Variants in EHBP1 observed in about 807,000 individuals in gnomAD.
EHBP1 encodes the protein EH domain binding protein 1, also known as EH domain-binding protein 1.
Under a neutral mutation model 144.0 loss-of-function variants are expected in EHBP1, and 55 were observed. The ratio of observed to expected loss-of-function variants is 0.38; its 90% CI spans 0.31 to 0.48. The LOEUF (loss-of-function observed/expected upper bound fraction) is 0.48. EHBP1 is among the 20% of genes least tolerant of loss of function. The pLI is 0.98. For missense variants in EHBP1, 1,200 were observed against 1,364.2 expected, an observed-to-expected ratio of 0.88 and a Z score of 1.90; for synonymous variants, 469 against 472.7, an observed-to-expected ratio of 0.99 and a Z score of 0.10.
chr2:62,724,384 G>T (rs2036542379), intron 2 of EHBP1, among the ~76,000 whole-genome samples: 1 of 152,064 alleles, frequency 6.6e-6, no homozygotes, highest in Non-Finnish European at 1.5e-5. Flanking sequence ...TTGTTTTATT[G>T]TGATTCTTAG....
intron 19 of EHBP1, among the ~76,000 whole-genome samples, chr2:63,000,174 C>T (rs2059791577): frequency 6.6e-6 from 1 of 151,918 alleles, no homozygotes; most frequent in South Asian, 2.1e-4. Context: ...AAGGCCTTAG[C>T]AAGAAAGTAG....
chr2:62,729,783 A>T (rs895440810), intron 2 of EHBP1, among the ~76,000 whole-genome samples: 6 of 151,572 alleles, frequency 4.0e-5, no homozygotes, highest in Non-Finnish European at 7.4e-5. Context: ...ATTCCTCTCC[A>T]TAAGGGTTTT....
chr2:62,717,638 TG>T (rs1012404772), intron 2 of EHBP1, among the ~76,000 whole-genome samples: 22 of 152,234 alleles, frequency 1.4e-4, no homozygotes, highest in African/African-American at 4.3e-4. Context: ...TTAGTAAGTT[TG>T]GTTTATTAAA....
chr2:63,001,910 A>G (rs773806815), intron 19 of EHBP1, among the ~76,000 whole-genome samples: 7 of 152,176 alleles, frequency 4.6e-5, no homozygotes, highest in Non-Finnish European at 1.0e-4. Context: ...TTTATGATTT[A>G]TAATTAGTAA....
chr2:63,035,659 G>A (rs2061416989), intron 19 of EHBP1, among the ~76,000 whole-genome samples: 1 of 151,966 alleles, frequency 6.6e-6, no homozygotes, highest in African/African-American at 2.4e-5. Flanking sequence ...ATGAACACAA[G>A]AATTAAGTCT....
chr2:62,803,565 A>G (rs2044205091), intron 5 of EHBP1, among the ~76,000 whole-genome samples: 2 of 152,196 alleles, frequency 1.3e-5, no homozygotes, highest in South Asian at 4.1e-4. Flanking sequence ...GATGTTGAGC[A>G]TCTTGTTATA....
intron 5 of EHBP1, among the ~76,000 whole-genome samples, chr2:62,814,799 TA>T (rs1335634346): frequency 6.6e-6 from 1 of 152,222 alleles, no homozygotes; most frequent in Non-Finnish European, 1.5e-5. Flanking sequence ...GAAACAATAC[TA>T]CATTGAAGAC....
intron 5 of EHBP1, among the ~76,000 whole-genome samples, chr2:62,786,493 T>C (rs576621700): frequency 5.3e-5 from 8 of 152,218 alleles, no homozygotes; most frequent in Admixed American, 2.0e-4. Flanking sequence ...TACCTCTTGA[T>C]TGGGAAGTGG....
At chr2:62,797,287 A>G (rs146254294) in intron 5 of EHBP1, among the ~76,000 whole-genome samples, 16 of 152,348 alleles carry the variant, frequency 1.1e-4, no homozygotes, top group African/African-American at 3.8e-4. Flanking sequence ...CACCAACAGC[A>G]TACTGGATGC....
At chr2:62,788,942 T>G (rs189483528) in intron 5 of EHBP1, among the ~76,000 whole-genome samples, 2 of 152,296 alleles carry the variant, frequency 1.3e-5, no homozygotes, top group East Asian at 3.9e-4. Context: ...AATATTTGAT[T>G]TACTGGTGGT....
chr2:63,017,049 A>G (rs2060513968), intron 19 of EHBP1, among the ~76,000 whole-genome samples: 1 of 152,260 alleles, frequency 6.6e-6, no homozygotes, highest in South Asian at 2.1e-4. Context: ...TGGGGGAATG[A>G]TAACTGCTTA....
chr2:62,916,771 G>A (rs2054649267), intron 10 of EHBP1, among the ~76,000 whole-genome samples: 1 of 148,696 alleles, frequency 6.7e-6, no homozygotes, highest in South Asian at 2.1e-4. Flanking sequence ...TATTGTGTAT[G>A]TTATTGTATA....
intron 5 of EHBP1, among the ~76,000 whole-genome samples, chr2:62,776,264 T>C (rs535749430): frequency 6.6e-4 from 100 of 152,318 alleles, no homozygotes; most frequent in African/African-American, 2.1e-3. Flanking sequence ...CCAGAAACTT[T>C]AGAGTTGAAA....
intron 3 of EHBP1, among the ~76,000 whole-genome samples, chr2:62,753,574 C>A (rs913785928): frequency 1.3e-5 from 2 of 152,192 alleles, no homozygotes; most frequent in Non-Finnish European, 2.9e-5. Flanking sequence ...GGCAGTTCTC[C>A]TGGTTAATAT....
chr2:63,045,504 T>C lies in EHBP1; in HGVS notation c.*4T>C. ...GGAGAAATGTGTTCTTCAGTAGCCA[T>C]CAGATCAGAAAGAATCTCTCCCAAC... is the stretch of plus-strand genomic sequence containing the variant. On this transcript the variant is annotated 3_prime_UTR_variant, in exon 23 of 23. Coordinates refer to ENST00000431489, the MANE Select transcript of EHBP1 (RefSeq NM_001142616.3). This position sits in a 1 kb window ranked among gnomAD's most constrained non-coding sequence, Gnocchi z 5.7. 6.2e-7 allele frequency: 1 copy of C among 1,609,996 alleles called. No homozygotes were observed. Among genetic ancestry groups the C allele is most frequent in the South Asian group, 1.1e-5 (1 of 90,540 alleles).
chr2:62,859,781 T>C, intron 8 of EHBP1, among the ~76,000 whole-genome samples: 1 of 152,208 alleles, frequency 6.6e-6, no homozygotes, highest in East Asian at 1.9e-4. Context: ...AGCATACTTG[T>C]GAGGTATAAA....
chr2:62,980,214 G>C (rs1295695008), intron 15 of EHBP1, among the ~76,000 whole-genome samples: 1 of 152,154 alleles, frequency 6.6e-6, no homozygotes, highest in African/African-American at 2.4e-5. Flanking sequence ...GATAGTTTCA[G>C]GACAAAACTG....
intron 7 of EHBP1, among the ~76,000 whole-genome samples, chr2:62,850,453 G>A (rs1368915542): frequency 1.3e-5 from 2 of 151,966 alleles, no homozygotes; most frequent in African/African-American, 4.8e-5. Flanking sequence ...TTACTGTAAG[G>A]AAGAATCTCA....
chr2:62,766,599 G>A (rs1039344061), intron 4 of EHBP1, among the ~76,000 whole-genome samples: 2 of 152,062 alleles, frequency 1.3e-5, no homozygotes, highest in Admixed American at 1.3e-4. Context: ...ACTTGAGTAA[G>A]TTAAATGGGC....
Sources: allele counts gnomAD v4.1 joint callset (sites outside exome capture counted in the v4.1 genomes callset), GRCh38; gene constraint gnomAD v4.1.1; non-coding constraint Gnocchi (gnomAD v3.1); transcripts MANE v1.5; gene names NCBI Gene and HGNC (gene_info 2026-07-23, HGNC 2026-07-21).